PRMT8: variants seen among roughly 807,000 people sequenced by gnomAD.
The protein encoded by PRMT8 is protein arginine methyltransferase 8.
A neutral mutation model predicts 47.1 loss-of-function variants in PRMT8; 7 were observed. The observed-to-expected ratio is 0.15, with a 90% confidence interval of 0.08 to 0.28. The LOEUF (loss-of-function observed/expected upper bound fraction) is 0.28, where lower values mean the gene tolerates loss of function less well. Among genes scored for constraint, PRMT8 ranks in the 10% least tolerant of loss-of-function variants. The pLI is 1.00. For missense variants in PRMT8, 237 were observed against 505.4 expected, an observed-to-expected ratio of 0.47 and a Z score of 5.09; for synonymous variants, 188 against 186.5, an observed-to-expected ratio of 1.01 and a Z score of -0.07.
chr12:3,554,390 C>CGAGCCCT (rs1423141953), intron 4 of PRMT8, among the ~76,000 whole-genome samples: 1 of 152,200 alleles, frequency 6.6e-6, no homozygotes. Flanking sequence ...GATGCAGTCC[C>CGAGCCCT]GAGCCCTGTG....
At position 3,492,064 on chromosome 12, in the gene PRMT8, G is replaced by C. The variant is rs1865423197; in HGVS notation, c.75+364G>C. On this transcript the variant is annotated intron_variant, in intron 1 of 9. Transcript: ENST00000382622. This position sits in a 1 kb window ranked among gnomAD's most constrained non-coding sequence, Gnocchi z 7.5. ...GCCCTCTCCTCTGGGCTCCGTGAGGGCTCCCGGGTCCCGGCTTTGTGCAGA... is the reference window on the plus strand; with the variant it reads ...GCCCTCTCCTCTGGGCTCCGTGAGGCCTCCCGGGTCCCGGCTTTGTGCAGA... Among the ~76,000 whole-genome samples, 1 of 151,932 alleles carries C rather than the reference G, an allele frequency of 6.6e-6. No individual in the cohort carries two copies. The highest frequency in any genetic ancestry group is 1.5e-5 in the Non-Finnish European group (1 of 67,994).
At chr12:3,471,362 G>A (rs898020281) in intron 1 of PRMT8, among the ~76,000 whole-genome samples, 2 of 152,088 alleles carry the variant, frequency 1.3e-5, no homozygotes, top group African/African-American at 4.8e-5. Context: ...CAGGGCCACA[G>A]AGACCCTTCC....
intron 1 of PRMT8, among the ~76,000 whole-genome samples, chr12:3,457,614 A>C (rs1025562372): frequency 2.0e-5 from 3 of 151,940 alleles, no homozygotes; most frequent in Non-Finnish European, 2.9e-5. Context: ...TGACCTATGC[A>C]CATCTTTGTA....
Position 3,580,360 on chromosome 12 carries a change from G to A in PRMT8, c.829-2698G>A, listed in dbSNP as rs1867037133. ...TGCGTGTGTGTGTGTGTGTGTGTGT[G>A]TGTGTGTACGCGTGCGCATGCGGGA... On this transcript the variant is annotated intron_variant, in intron 7 of 9. Transcript: ENST00000382622. The surrounding 1 kb of genome is among the most constrained non-coding windows in gnomAD (Gnocchi z 4.6). 6.6e-6 allele frequency among the ~76,000 whole-genome samples: 1 copy of A among 151,732 alleles called. No homozygotes were observed. The highest frequency in any genetic ancestry group is 1.5e-5 in the Non-Finnish European group (1 of 67,920).
intron 1 of PRMT8, among the ~76,000 whole-genome samples, chr12:3,476,803 G>C (rs960798277): frequency 5.3e-5 from 8 of 152,184 alleles, no homozygotes; most frequent in African/African-American, 1.9e-4. Context: ...TGTGGGTTTG[G>C]ATGTGAGCAT....
At chr12:3,484,004 C>T (rs898189805) in intron 1 of PRMT8, among the ~76,000 whole-genome samples, 2 of 152,122 alleles carry the variant, frequency 1.3e-5, no homozygotes, top group Admixed American at 1.3e-4. Flanking sequence ...AAATGGGGCT[C>T]TTAAAAAATG....
At position 3,523,845 on chromosome 12, in the gene PRMT8, A is replaced by C. The variant is rs543610803; in HGVS notation, c.76-16761A>C. ...TTCTAGAGCAATCCCCTTGTTCTCC[A>C]TAGGGAATATAAACCACTCCTTCTG... is the stretch of plus-strand genomic sequence containing the variant. On this transcript the variant is annotated intron_variant, in intron 1 of 9. Coordinates refer to ENST00000382622, the MANE Select transcript of PRMT8 (RefSeq NM_019854.5). Among the ~76,000 whole-genome samples, 10 of 152,366 alleles carry C rather than the reference A, an allele frequency of 6.6e-5. No homozygotes were observed. In the South Asian group the frequency reaches 1.9e-3, roughly 28 times the overall value.
At position 3,552,724 on chromosome 12, in the gene PRMT8, G is replaced by T. The variant is rs756003994; in HGVS notation, c.418-927G>T. On this transcript the variant is annotated intron_variant, in intron 3 of 9. Transcript: ENST00000382622. The surrounding 1 kb of genome is among the most constrained non-coding windows in gnomAD (Gnocchi z 4.5). Reference sequence around the variant, plus strand: ...GTAGGTGCCCTCACCCTTCCTCAAGGCGTGGCCAGAGGCGTCAGAAACTCC... The same window carrying T: ...GTAGGTGCCCTCACCCTTCCTCAAGTCGTGGCCAGAGGCGTCAGAAACTCC... The T allele has an allele frequency of 6.3e-6, 3 of 475,330 alleles. No individual in the cohort carries two copies. Among genetic ancestry groups the T allele is most frequent in the Non-Finnish European group, 1.3e-5 (3 of 237,160 alleles). 29.4% of individuals were successfully genotyped at this position (475,330 alleles called of 1,614,324 possible). A position where few individuals can be genotyped will look rare whatever the true frequency, so the allele number is the denominator to read the frequency against.
In PRMT8 at chr12:3,569,299, C is replaced by G. The variant is rs1032513994; in HGVS notation, c.625-178C>G. Reference sequence around the variant, plus strand: ...CTAGGTCCCTTAAATTTTCCTTGCTCCAAAATAAAAATTGAGCACTGCTGT... The same window carrying G: ...CTAGGTCCCTTAAATTTTCCTTGCTGCAAAATAAAAATTGAGCACTGCTGT... On this transcript the variant is annotated intron_variant, in intron 5 of 9. Transcript: ENST00000382622. This position sits in a 1 kb window ranked among gnomAD's most constrained non-coding sequence, Gnocchi z 8.2. Among the ~76,000 whole-genome samples the G allele has an allele frequency of 2.0e-5, 3 of 152,160 alleles. No homozygotes were observed.
chr12:3,560,790 C>G (rs879611572), intron 4 of PRMT8, among the ~76,000 whole-genome samples: 1 of 152,204 alleles, frequency 6.6e-6, no homozygotes, highest in Admixed American at 6.5e-5. Context: ...GCCTCTGCAA[C>G]TTAATGGTAG....
rs988737225 is a variant in PRMT8, at chr12:3,436,126, G to A, written c.48+54684G>A. 6.6e-6 allele frequency among the ~76,000 whole-genome samples: 1 copy of A among 152,098 alleles called. No homozygotes were observed. The highest frequency in any genetic ancestry group is 1.5e-5 in the Non-Finnish European group (1 of 68,022). On this transcript the variant is annotated intron_variant, in intron 1 of 9. Transcript: ENST00000452611. The surrounding 1 kb of genome is among the most constrained non-coding windows in gnomAD (Gnocchi z 4.2). Reference sequence around the variant, plus strand: ...TGTGACTTTGAGTGAAGGTTATTGGGTGCCTCAGGCCCTGCTTACCTGCTT... The same window carrying A: ...TGTGACTTTGAGTGAAGGTTATTGGATGCCTCAGGCCCTGCTTACCTGCTT...
chr12:3,548,965 A>G (rs1397281174), intron 2 of PRMT8, among the ~76,000 whole-genome samples: 1 of 152,178 alleles, frequency 6.6e-6, no homozygotes, highest in Non-Finnish European at 1.5e-5. Context: ...GGAATACCAT[A>G]CAACAACAAC....
chr12:3,534,844 G>A (rs1484419336), intron 1 of PRMT8, among the ~76,000 whole-genome samples: 1 of 152,198 alleles, frequency 6.6e-6, no homozygotes, highest in Non-Finnish European at 1.5e-5. Context: ...ACAGGTTTTG[G>A]CATAAAACAG....
At position 3,583,863 on chromosome 12, in the gene PRMT8, C is replaced by T. The variant is rs930859625; in HGVS notation, c.979+655C>T. On this transcript the variant is annotated intron_variant, in intron 8 of 9. Transcript: ENST00000382622. This position sits in a 1 kb window ranked among gnomAD's most constrained non-coding sequence, Gnocchi z 4.7. ...CCCTCTTGGCCGAGCCCTGTCCCGT[C>T]GCTGCTACCCCACAGGTGGCCCAGC... Among the ~76,000 whole-genome samples, 3 of 152,226 alleles carry T rather than the reference C, an allele frequency of 2.0e-5. No individual in the cohort carries two copies. The highest frequency in any genetic ancestry group is 1.9e-4 in the East Asian group (1 of 5,202).
chr12:3,567,784 C>T (rs1002894330), intron 4 of PRMT8, among the ~76,000 whole-genome samples: 1 of 152,318 alleles, frequency 6.6e-6, no homozygotes, highest in African/African-American at 2.4e-5. Context: ...GGTCAATTAA[C>T]ACACATTGGC....
chr12:3,462,562 C>T (rs547990143), intron 1 of PRMT8, among the ~76,000 whole-genome samples: 6 of 151,996 alleles, frequency 3.9e-5, no homozygotes, highest in Non-Finnish European at 7.3e-5. Flanking sequence ...AGGAGTGGGA[C>T]ATGATTGCTC....
chr12:3,560,985 T>G (rs3782752), intron 4 of PRMT8, among the ~76,000 whole-genome samples: 41,687 of 152,014 alleles, frequency 0.27, 5,985 homozygotes, highest in East Asian at 0.46. Flanking sequence ...AGGTGTAAGG[T>G]TCTGCACCTT....
rs138221335 is a variant in PRMT8 at position 3,541,665 on chromosome 12, C to T, written c.261+874C>T. Among the ~76,000 whole-genome samples the T allele has an allele frequency of 7.7e-3, 1,179 of 152,348 alleles. 8 individuals carry two copies. The highest frequency in any genetic ancestry group is 0.025 in the African/African-American group (1,041 of 41,576). On this transcript the variant is annotated intron_variant, in intron 2 of 9. Transcript: ENST00000382622. Reference sequence around the variant, plus strand: ...ACAAGTCTTGAAGATCTTCCTTCCACGTACTCACTGCTGTAAACTCTTCCT... The same window carrying T: ...ACAAGTCTTGAAGATCTTCCTTCCATGTACTCACTGCTGTAAACTCTTCCT...
In PRMT8 at chr12:3,569,474, C is replaced by G; in HGVS notation, c.625-3C>G. 6.2e-7 allele frequency: 1 copy of G among 1,613,802 alleles called. No homozygotes were observed. Among genetic ancestry groups the G allele is most frequent in the Non-Finnish European group, 8.5e-7 (1 of 1,179,660 alleles). On this transcript the variant is annotated splice_polypyrimidine_tract_variant and splice_region_variant and intron_variant, in intron 5 of 9. Coordinates refer to ENST00000382622, the MANE Select transcript of PRMT8 (RefSeq NM_019854.5). This position sits in a 1 kb window ranked among gnomAD's most constrained non-coding sequence, Gnocchi z 8.2. ...GACCCATTTCCCCACAATTCATCAA[C>G]AGAAACCTGGAGGGCTTATGTTTCC... is the stretch of plus-strand genomic sequence containing the variant.
Sources: gnomAD v4.1 joint callset for allele counts (sites outside exome capture counted in the v4.1 genomes callset) on GRCh38, gnomAD v4.1.1 for gene constraint, Gnocchi (gnomAD v3.1) non-coding constraint, MANE v1.5 for transcripts, NCBI Gene and HGNC (gene_info 2026-07-23, HGNC 2026-07-21) for gene names.